Variants in RAB28 observed in about 807,000 individuals in gnomAD.
RAB28 encodes the protein RAB28, member RAS oncogene family.
A neutral mutation model predicts 31.7 loss-of-function variants in RAB28; 24 were observed. The observed-to-expected ratio is 0.76, with a 90% CI of 0.55 to 1.06. RAB28 has a LOEUF of 1.06. RAB28 is among the 50% of genes least tolerant of loss of function. The pLI, the probability that RAB28 is intolerant of heterozygous loss-of-function variation, is 0.00. For synonymous variants in RAB28, 100 were observed against 90.4 expected, an observed-to-expected ratio of 1.11 and a Z score of -0.60; for missense variants, 254 against 258.5, an observed-to-expected ratio of 0.98 and a Z score of 0.12.
At chr4:13,374,531 T>C (rs1560265772) in intron 6 of RAB28, among the ~76,000 whole-genome samples, 1 of 151,898 alleles carries the variant, frequency 6.6e-6, no homozygotes, top group Non-Finnish European at 1.5e-5. Flanking sequence ...CCCTCTCACC[T>C]GTGAAGCACC....
chr4:13,413,041 G>T (rs1712533036), intron 4 of RAB28, among the ~76,000 whole-genome samples: 1 of 151,566 alleles, frequency 6.6e-6, no homozygotes, highest in Non-Finnish European at 1.5e-5. Flanking sequence ...AAATATAGAA[G>T]ACAAGCAAAT....
Position 13,484,290 on chromosome 4 carries a change from C to A in RAB28, c.-140G>T, listed in dbSNP as rs1716769508. 1 of 663,294 alleles carries A rather than the reference C, an allele frequency of 1.5e-6. No homozygotes were observed. Among genetic ancestry groups the A allele is most frequent in the South Asian group, 1.7e-5 (1 of 59,400 alleles). The allele number at this position is 663,294 out of a possible 1,614,324, so 41.1% of individuals were successfully genotyped here. Reference sequence around the variant, plus strand: ...TGTCTCCGCGCCGGCAGGAGGTATTCGAGGAGAATCACTCGGCAAGCGCCA... The same window carrying A: ...TGTCTCCGCGCCGGCAGGAGGTATTAGAGGAGAATCACTCGGCAAGCGCCA... On this transcript the variant is annotated 5_prime_UTR_variant, in exon 1 of 7. Transcript: ENST00000330852.
intron 4 of RAB28, among the ~76,000 whole-genome samples, chr4:13,457,624 A>T (rs1225710481): frequency 4.0e-5 from 6 of 151,770 alleles, no homozygotes; most frequent in African/African-American, 1.5e-4. Context: ...AAAAAAAAAA[A>T]CCTCTTGTCT....
intron 4 of RAB28, among the ~76,000 whole-genome samples, chr4:13,443,805 A>G (rs35488653): frequency 2.0e-5 from 3 of 152,046 alleles, no homozygotes; most frequent in African/African-American, 7.3e-5. Context: ...ATCCTAAGTG[A>G]TACTTTGTAC....
intron 4 of RAB28, among the ~76,000 whole-genome samples, chr4:13,385,457 G>A (rs1173719253): frequency 1.3e-5 from 2 of 151,642 alleles, no homozygotes; most frequent in Non-Finnish European, 2.9e-5. Flanking sequence ...TAGAGAGAAG[G>A]GTCAGGTCAC....
At chr4:13,437,963 G>A (rs1244437289) in intron 4 of RAB28, among the ~76,000 whole-genome samples, 2 of 152,090 alleles carry the variant, frequency 1.3e-5, no homozygotes, top group African/African-American at 2.4e-5. Context: ...ATCAAAAGTG[G>A]ACTGGATAAA....
At chr4:13,476,628 C>A (rs1029836518) in intron 2 of RAB28, among the ~76,000 whole-genome samples, 2 of 151,392 alleles carry the variant, frequency 1.3e-5, no homozygotes, top group Non-Finnish European at 3.0e-5. Context: ...TGATTCAAAT[C>A]AATATTCATT....
intron 4 of RAB28, among the ~76,000 whole-genome samples, chr4:13,429,988 A>G (rs1713723555): frequency 6.6e-6 from 1 of 152,232 alleles, no homozygotes; most frequent in Admixed American, 6.5e-5. Context: ...GGACAGACAT[A>G]TAGGTCAATG....
chr4:13,462,723 C>G (rs1025933882), intron 3 of RAB28, among the ~76,000 whole-genome samples: 1 of 152,160 alleles, frequency 6.6e-6, no homozygotes, highest in Non-Finnish European at 1.5e-5. Flanking sequence ...CTATAATATA[C>G]AAAATCACTC....
rs140305593 is a variant in RAB28 at position 13,390,974 on chromosome 4, C to T, written c.392-9380G>A. Among the ~76,000 whole-genome samples the T allele has an allele frequency of 4.6e-3, 695 of 152,230 alleles. 6 individuals are homozygous for T. The highest frequency in any genetic ancestry group is 0.016 in the African/African-American group (661 of 41,540). Reference sequence around the variant, plus strand: ...ACCCAAGAAGAAAACCTGGGCAATACAATTCAGGACATAGGCATGGGCAAG... The same window carrying T: ...ACCCAAGAAGAAAACCTGGGCAATATAATTCAGGACATAGGCATGGGCAAG... On this transcript the variant is annotated intron_variant, in intron 4 of 6. Coordinates refer to ENST00000330852, the MANE Select transcript of RAB28 (RefSeq NM_001017979.3).
At chr4:13,421,959 C>G (rs1028939465) in intron 4 of RAB28, among the ~76,000 whole-genome samples, 2 of 151,964 alleles carry the variant, frequency 1.3e-5, no homozygotes, top group Non-Finnish European at 2.9e-5. Flanking sequence ...TCAGAGTGAA[C>G]AGGCAACCTA....
intron 6 of RAB28, chr4:13,370,336 T>TC: frequency 1.0e-6 from 1 of 953,360 alleles, no homozygotes; most frequent in Non-Finnish European, 1.2e-6. Context: ...ATGAGGTTTT[T>TC]CTATGTTAAA....
At chr4:13,430,701 C>T (rs1388307337) in intron 4 of RAB28, among the ~76,000 whole-genome samples, 1 of 152,132 alleles carries the variant, frequency 6.6e-6, no homozygotes, top group Admixed American at 6.5e-5. Context: ...GGTATCTCCA[C>T]CCTTGAGCCA....
intron 4 of RAB28, among the ~76,000 whole-genome samples, chr4:13,404,239 G>T (rs940737619): frequency 6.6e-6 from 1 of 152,192 alleles, no homozygotes; most frequent in East Asian, 1.9e-4. Context: ...TTAGCCAGGC[G>T]GGGTGGCGCA....
At position 13,368,418 on chromosome 4, in the gene RAB28, T is replaced by C. The variant is rs564527167; in HGVS notation, c.*140A>G. The C allele has an allele frequency of 1.7e-4, 215 of 1,284,976 alleles. No homozygotes were observed. The highest frequency in any genetic ancestry group is 4.1e-4 in the South Asian group (15 of 36,360). 79.6% of individuals were successfully genotyped at this position (1,284,976 alleles called of 1,614,324 possible). A position where few individuals can be genotyped will look rare whatever the true frequency, so the allele number is the denominator to read the frequency against. ...GGAGCTGCCTGCCACTGTGAGGCAA[T>C]AGCAATGATGAAGCAAGTTGGGAGT... On this transcript the variant is annotated 3_prime_UTR_variant, in exon 7 of 7. Transcript: ENST00000330852.
intron 4 of RAB28, among the ~76,000 whole-genome samples, chr4:13,426,305 A>G (rs1713485352): frequency 6.6e-6 from 1 of 152,158 alleles, no homozygotes; most frequent in Admixed American, 6.5e-5. Context: ...ATCTCATCCA[A>G]TTTTATAAGC....
intron 4 of RAB28, among the ~76,000 whole-genome samples, chr4:13,442,955 T>C (rs1012989688): frequency 6.6e-6 from 1 of 152,194 alleles, no homozygotes; most frequent in Non-Finnish European, 1.5e-5. Flanking sequence ...ATCCACAGTC[T>C]CCCTCTGTTA....
chr4:13,445,164 G>A (rs544356605), intron 4 of RAB28, among the ~76,000 whole-genome samples: 157 of 151,562 alleles, frequency 1.0e-3, no homozygotes, highest in Non-Finnish European at 1.7e-3. Flanking sequence ...CTGCTTGATC[G>A]ATTCAGCCAT....
At chr4:13,419,485 A>G (rs1014882312) in intron 4 of RAB28, among the ~76,000 whole-genome samples, 3 of 152,218 alleles carry the variant, frequency 2.0e-5, no homozygotes, top group African/African-American at 7.2e-5. Flanking sequence ...TCCAAAATTG[A>G]CTACATAGTT....
Sources: gnomAD v4.1 joint callset for allele counts (sites outside exome capture counted in the v4.1 genomes callset) on GRCh38, gnomAD v4.1.1 for gene constraint, MANE v1.5 for transcripts, NCBI Gene and HGNC (gene_info 2026-07-23, HGNC 2026-07-21) for gene names.